The following NCR3LG1 variants were observed in gnomAD, a reference collection of about 807,000 sequenced individuals.
NCR3LG1 encodes natural cytotoxicity triggering receptor 3 ligand 1.
In NCR3LG1, 35 loss-of-function variants were observed where a neutral mutation model predicts 34.8. The ratio of observed to expected loss-of-function variants is 1.01; its 90% CI spans 0.77 to 1.33. The LOEUF (loss-of-function observed/expected upper bound fraction) is 1.33. Ranked by LOEUF, NCR3LG1 falls within the 40% of genes most tolerant of loss-of-function variation. The probability of loss-of-function intolerance (pLI) is 0.00; values close to 1 mark genes in which losing one functional copy is unlikely to be tolerated. For missense variants in NCR3LG1, 452 were observed against 423.3 expected, an observed-to-expected ratio of 1.07 and a Z score of -0.60; for synonymous variants, 173 against 163.6, an observed-to-expected ratio of 1.06 and a Z score of -0.44.
chr11:17,366,672 C>T (rs1953347216), intron 2 of NCR3LG1, among the ~76,000 whole-genome samples: 1 of 152,214 alleles, frequency 6.6e-6, no homozygotes. Context: ...CCGGTTGGCA[C>T]TGGCACCAAC....
chr11:17,368,614 G>A (rs1332541215), intron 3 of NCR3LG1, among the ~76,000 whole-genome samples: 1 of 152,182 alleles, frequency 6.6e-6, no homozygotes, highest in South Asian at 2.1e-4. Flanking sequence ...CACAAGGTTT[G>A]AAGATGAGGG....
At chr11:17,371,865 A>G in intron 4 of NCR3LG1, 141 bp from the exon 5 acceptor site, 1 of 601,710 alleles carries the variant, frequency 1.7e-6, no homozygotes, top group Non-Finnish European at 2.9e-6. Context: ...CATGGGCAGC[A>G]CCTATAATGG....
Position 17,367,018 on chromosome 11 carries a change from C to G in NCR3LG1, c.431C>G (p.Ala144Gly), listed in dbSNP as rs766047065. Reference protein sequence around the residue: ...TVQLEVVASPASRLLLDQVGM... With the variant: ...TVQLEVVASPGSRLLLDQVGM... ...TTTTTTTCCCTGACAGCTTCCCCAG[C>G]CAGCAGATTGTTGCTGGATCAAGTG... is the stretch of plus-strand genomic sequence containing the variant. The change falls in exon 3 of 5, where the codon GCC becomes GGC. Residue 144 changes from alanine to glycine, a missense_variant. Physicochemically the swap from Ala to Gly is moderately conservative, Grantham distance 60. Transcript: ENST00000338965. The G allele has an allele frequency of 3.9e-6, 6 of 1,530,696 alleles. No individual in the cohort carries two copies. The Admixed American group carries it at 1.2e-4, about 30-fold the overall frequency. The allele number at this position is 1,530,696 out of a possible 1,614,324, so 94.8% of individuals were successfully genotyped here. A position where few individuals can be genotyped will look rare whatever the true frequency, so the allele number is the denominator to read the frequency against.
At chr11:17,362,210 C>A (rs1953276411) in intron 2 of NCR3LG1, among the ~76,000 whole-genome samples, 1 of 152,064 alleles carries the variant, frequency 6.6e-6, no homozygotes, top group Admixed American at 6.6e-5. Context: ...AATACTTTTT[C>A]TGCATTATTG....
At position 17,373,255 on chromosome 11, in the gene NCR3LG1, G is replaced by A. The variant is rs570201121; in HGVS notation, c.*743G>A. 6.6e-6 allele frequency: 1 copy of A among 152,386 alleles called. No homozygotes were observed. The highest frequency in any genetic ancestry group is 1.9e-4 in the East Asian group (1 of 5,174). The allele number at this position is 152,386 out of a possible 1,614,324, so 9.4% of individuals were successfully genotyped here. ...AGGAGGAGGCCCAGGGGAAGGAGAG[G>A]AAACACAAGAAAAAGGCAGAGACTC... On this transcript the variant is annotated 3_prime_UTR_variant, in exon 5 of 5. Transcript: ENST00000338965.
At chr11:17,367,903 C>A (rs1487632817) in intron 3 of NCR3LG1, among the ~76,000 whole-genome samples, 1 of 151,632 alleles carries the variant, frequency 6.6e-6, no homozygotes, top group Non-Finnish European at 1.5e-5. Flanking sequence ...ACCACAACCT[C>A]TACCTCCCGT....
At chr11:17,356,169 G>A (rs113177100) in intron 1 of NCR3LG1, among the ~76,000 whole-genome samples, 4,481 of 132,742 alleles carry the variant, frequency 0.034, 87 homozygotes, top group African/African-American at 0.053. Context: ...ACAGAGTGTC[G>A]CTCTGTCACC....
chr11:17,358,031 C>G (rs1953230514), intron 2 of NCR3LG1, among the ~76,000 whole-genome samples: 2 of 152,066 alleles, frequency 1.3e-5, no homozygotes, highest in African/African-American at 4.8e-5. Context: ...CATTAATAGA[C>G]TTTTTTTAAG....
At chr11:17,367,974 A>G (rs1953365735) in intron 3 of NCR3LG1, among the ~76,000 whole-genome samples, 1 of 152,008 alleles carries the variant, frequency 6.6e-6, no homozygotes, top group East Asian at 1.9e-4. Context: ...ATGCACCACC[A>G]CGCACGGCTG....
downstream of NCR3LG1, among the ~76,000 whole-genome samples, chr11:17,378,818 C>T (rs1472279897): frequency 6.6e-6 from 1 of 152,162 alleles, no homozygotes; most frequent in Non-Finnish European, 1.5e-5. Context: ...TACAGGGAGG[C>T]TTGCCTTAGA....
chr11:17,367,481 C>G (rs577757831), intron 3 of NCR3LG1, 134 bp downstream of exon 3: 9 of 771,086 alleles, frequency 1.2e-5, no homozygotes, highest in Non-Finnish European at 1.8e-5. Flanking sequence ...AAGGACCAAG[C>G]TGGAGTCTGG....
At chr11:17,357,911 C>T (rs894277930) in intron 2 of NCR3LG1, among the ~76,000 whole-genome samples, 1 of 152,114 alleles carries the variant, frequency 6.6e-6, no homozygotes, top group Non-Finnish European at 1.5e-5. Flanking sequence ...TTGTGTTGCC[C>T]AGGCTCGTCT....
chr11:17,374,467 T>G lies in NCR3LG1; in HGVS notation c.*1955T>G, dbSNP rs2133368149. ...AATATGTAGATGACATTCTCCTCTG[T>G]GCCCCAACTGAGGAAGTTTCTTGAG... On this transcript the variant is annotated 3_prime_UTR_variant, in exon 5 of 5. Coordinates refer to ENST00000338965, the MANE Select transcript of NCR3LG1 (RefSeq NM_001202439.3). The G allele has an allele frequency of 6.6e-6, 1 of 152,282 alleles. No homozygotes were observed. Among genetic ancestry groups the G allele is most frequent in the Non-Finnish European group, 1.5e-5 (1 of 68,020 alleles). The allele number at this position is 152,282 out of a possible 1,614,324, so 9.4% of individuals were successfully genotyped here. A position where few individuals can be genotyped will look rare whatever the true frequency, so the allele number is the denominator to read the frequency against.
intron 1 of NCR3LG1, among the ~76,000 whole-genome samples, chr11:17,354,285 G>C (rs866167095): frequency 2.0e-4 from 31 of 152,336 alleles, no homozygotes; most frequent in Non-Finnish European, 3.4e-4. Flanking sequence ...CAAGGATCTA[G>C]TCCTTGAAAA....
rs1007524166 is a variant in NCR3LG1, at chr11:17,374,264, T to G, written c.*1752T>G. 6.6e-6 allele frequency: 1 copy of G among 152,212 alleles called. No homozygotes were observed. The highest frequency in any genetic ancestry group is 1.5e-5 in the Non-Finnish European group (1 of 68,046). 9.4% of individuals were successfully genotyped at this position (152,212 alleles called of 1,614,324 possible). A position where few individuals can be genotyped will look rare whatever the true frequency, so the allele number is the denominator to read the frequency against. On this transcript the variant is annotated 3_prime_UTR_variant, in exon 5 of 5. Coordinates refer to ENST00000338965, the MANE Select transcript of NCR3LG1 (RefSeq NM_001202439.3). Reference sequence around the variant, plus strand: ...TCTGGGCCTAAAGGATGCCTTTTTCTGTATACCTTTATACCCTGACTCCCA... The same window carrying G: ...TCTGGGCCTAAAGGATGCCTTTTTCGGTATACCTTTATACCCTGACTCCCA...
chr11:17,352,211 C>G (rs1387975247), intron 1 of NCR3LG1, among the ~76,000 whole-genome samples, 172 bp downstream of exon 1: 1 of 140,524 alleles, frequency 7.1e-6, no homozygotes, highest in East Asian at 2.2e-4. Flanking sequence ...GACGGAGTCT[C>G]GCTCTGTCTC....
chr11:17,362,858 T>G (rs1953296267), intron 2 of NCR3LG1, among the ~76,000 whole-genome samples: 1 of 138,122 alleles, frequency 7.2e-6, no homozygotes. Context: ...TTCCTTCCTT[T>G]CTTTCTCCCC....
intron 2 of NCR3LG1, among the ~76,000 whole-genome samples, chr11:17,363,466 G>GT (rs1026077889): frequency 3.4e-5 from 5 of 145,320 alleles, no homozygotes; most frequent in Non-Finnish European, 1.5e-5. Context: ...TGTAAGGTGT[G>GT]TTTTTTTTCC....
chr11:17,356,109 T>C (rs142794711), intron 1 of NCR3LG1, among the ~76,000 whole-genome samples: 1 of 151,176 alleles, frequency 6.6e-6, no homozygotes, highest in Non-Finnish European at 1.5e-5. Flanking sequence ...CTTCATGTCT[T>C]GTCTTTTTCT....
Sources: allele counts gnomAD v4.1 joint callset (sites outside exome capture counted in the v4.1 genomes callset), GRCh38; gene constraint gnomAD v4.1.1; transcripts MANE v1.5; gene names NCBI Gene and HGNC (gene_info 2026-07-23, HGNC 2026-07-21).